Variants in GLT6D1 observed in about 807,000 individuals in gnomAD.
The protein encoded by GLT6D1 is putative glycosyltransferase 6 domain-containing protein 1.
GLT6D1 carries 9 observed loss-of-function variants against 12.3 expected under a neutral mutation model. The observed-to-expected ratio is 0.73, with a 90% CI of 0.44 to 1.27. The LOEUF is 1.27. Ranked by LOEUF, GLT6D1 falls within the 50% of genes most tolerant of loss-of-function variation. The pLI is 0.00. For synonymous variants in GLT6D1, 128 were observed against 132.3 expected (o/e 0.97, Z 0.23); for missense variants, 335 against 346.2 (o/e 0.97, Z 0.26).
At position 135,624,418 on chromosome 9, in the gene GLT6D1, G is replaced by A; in HGVS notation, c.510C>T (p.Phe170=). ...SHIQDEVDFL[F]SMAANQVFQN... is the part of the protein sequence containing the mutation. ...GGAAGACCTGGTTGGCAGCCATGCT[G>A]AAGAGGAAGTCCACCTCGTCCTGGA... is the stretch of plus-strand genomic sequence containing the variant. Residue 170 remains phenylalanine, a synonymous_variant, in exon 5 of 5, where the codon TTC becomes TTT. Coordinates refer to ENST00000371763, the MANE Select transcript of GLT6D1 (RefSeq NM_182974.3). The A allele has an allele frequency of 6.2e-7, 1 of 1,614,178 alleles. No individual in the cohort carries two copies. Among genetic ancestry groups the A allele is most frequent in the Non-Finnish European group, 8.5e-7 (1 of 1,180,044 alleles).
At chr9:135,640,269 C>T (rs1407725025), upstream of GLT6D1, among the ~76,000 whole-genome samples, 1 of 152,194 alleles carries the variant, frequency 6.6e-6, no homozygotes, top group African/African-American at 2.4e-5. Context: ...AATTTACCAT[C>T]TCACTCATAA....
chr9:135,630,017 G>GTT (rs1833603759), intron 3 of GLT6D1, among the ~76,000 whole-genome samples: 2 of 152,132 alleles, frequency 1.3e-5, no homozygotes, highest in African/African-American at 4.8e-5. Context: ...ATATAAATAT[G>GTT]TTTTTATACA....
upstream of GLT6D1, among the ~76,000 whole-genome samples, chr9:135,640,947 C>T (rs925235820): frequency 6.6e-6 from 1 of 152,160 alleles, no homozygotes; most frequent in Admixed American, 6.5e-5. Context: ...AGTGTGCCCT[C>T]CTCCATGACA....
In GLT6D1 at chr9:135,623,790, A is replaced by G. The variant is rs1327173177; in HGVS notation, c.*307T>C. On this transcript the variant is annotated 3_prime_UTR_variant, in exon 5 of 5. Coordinates refer to ENST00000371763, the MANE Select transcript of GLT6D1 (RefSeq NM_182974.3). ...TCACATTGTCTACAATACATAGATA[A>G]TAACATTACTGTGTATTAACATTAA... 8.8e-6 allele frequency: 2 copies of G among 228,286 alleles called. No individual in the cohort carries two copies. The highest frequency in any genetic ancestry group is 8.2e-6 in the Non-Finnish European group (1 of 121,260). The allele number at this position is 228,286 out of a possible 1,614,324, so 14.1% of individuals were successfully genotyped here.
At chr9:135,628,811 C>A (rs1833574208) in intron 3 of GLT6D1, among the ~76,000 whole-genome samples, 1 of 151,716 alleles carries the variant, frequency 6.6e-6, no homozygotes, top group African/African-American at 2.4e-5. Flanking sequence ...CTAGGAATTT[C>A]TTCATTTCAT....
intron 2 of GLT6D1, among the ~76,000 whole-genome samples, chr9:135,633,416 AT>A (rs1474851095): frequency 1.3e-5 from 2 of 151,786 alleles, no homozygotes; most frequent in African/African-American, 2.4e-5. Flanking sequence ...CGCCTGGCTA[AT>A]GTTTTTTTAA....
chr9:135,636,384 C>G (rs558285054), intron 2 of GLT6D1, among the ~76,000 whole-genome samples: 19 of 152,138 alleles, frequency 1.2e-4, no homozygotes, highest in African/African-American at 4.6e-4. Flanking sequence ...AAACTCCACT[C>G]ATTCCTAAGT....
At position 135,624,650 on chromosome 9, in the gene GLT6D1, C is replaced by G. The variant is rs981866121; in HGVS notation, c.278G>C (p.Arg93Thr). The G allele has an allele frequency of 8.9e-6, 14 of 1,580,778 alleles. No individual in the cohort carries two copies. Among genetic ancestry groups the G allele is most frequent in the African/African-American group, 4.1e-5 (3 of 73,746 alleles). The change falls in exon 5 of 5, where the codon AGG (arginine) becomes ACG (threonine). Residue 93 changes from arginine (R) to threonine (T), a missense_variant. Transcript: ENST00000371763. ...ATGRFAEEYL[R>T]PFLHSANKHF... ...CTTATTTGCGGAGTGTAGGAACGGC[C>G]TCAGGTACTCCTCTGCAAACCTAGG...
At chr9:135,636,935 C>T (rs1308760257) in intron 2 of GLT6D1, among the ~76,000 whole-genome samples, 2 of 152,130 alleles carry the variant, frequency 1.3e-5, no homozygotes, top group Non-Finnish European at 2.9e-5. Flanking sequence ...TCACCGCAAC[C>T]TCTGCCTCCC....
rs114482315 is a variant in GLT6D1, at chr9:135,637,983, G to A, written c.71+1134C>T. ...AGCTAGAATTTGAGTTTTTCTAGAC[G>A]GGAAAATATTAGCAGGTGTATTAGT... On this transcript the variant is annotated intron_variant, in intron 2 of 4. Coordinates refer to ENST00000371763, the MANE Select transcript of GLT6D1 (RefSeq NM_182974.3). Among the ~76,000 whole-genome samples the A allele has an allele frequency of 2.8e-3, 425 of 152,258 alleles. 5 individuals carry two copies. Among genetic ancestry groups the A allele is most frequent in the South Asian group, 0.017 (83 of 4,822 alleles).
At chr9:135,636,678 C>T (rs1358062103) in intron 2 of GLT6D1, among the ~76,000 whole-genome samples, 2 of 152,138 alleles carry the variant, frequency 1.3e-5, no homozygotes, top group African/African-American at 2.4e-5. Context: ...TCCCCTCCCT[C>T]ACCTCCACCC....
chr9:135,634,391 G>A (rs1260462391), intron 2 of GLT6D1, among the ~76,000 whole-genome samples: 12 of 147,500 alleles, frequency 8.1e-5, no homozygotes, highest in African/African-American at 2.5e-5. Flanking sequence ...GCCTCCCAAA[G>A]TGCTGGAATT....
At chr9:135,633,081 C>T (rs553199172) in intron 2 of GLT6D1, among the ~76,000 whole-genome samples, 7 of 152,292 alleles carry the variant, frequency 4.6e-5, no homozygotes, top group South Asian at 2.1e-4. Flanking sequence ...CCTACACATA[C>T]GCAGACAGTG....
At chr9:135,636,362 A>T (rs1833772573) in intron 2 of GLT6D1, among the ~76,000 whole-genome samples, 1 of 151,992 alleles carries the variant, frequency 6.6e-6, no homozygotes, top group Non-Finnish European at 1.5e-5. Context: ...TCAAAACAAA[A>T]CAAAACAAAA....
At chr9:135,624,856 A>G (rs1815481) in intron 4 of GLT6D1, among the ~76,000 whole-genome samples, 186 bp from the exon 5 acceptor site, 7,578 of 147,722 alleles carry the variant, frequency 0.051, 319 homozygotes, top group East Asian at 0.19. Context: ...CAGCCTCCCA[A>G]GTAGCTGGGA....
At chr9:135,627,690 G>A (rs147163263) in intron 3 of GLT6D1, among the ~76,000 whole-genome samples, 2 of 152,302 alleles carry the variant, frequency 1.3e-5, no homozygotes, top group African/African-American at 2.4e-5. Context: ...TCTAGAGGTA[G>A]AATTGTTGGG....
rs1833507746 is a variant in GLT6D1, at chr9:135,626,083, G to A, written c.243C>T (p.Val81=). Residue 81 remains valine, a synonymous_variant, in exon 4 of 5, where the codon GTC becomes GTT. Coordinates refer to ENST00000371763, the MANE Select transcript of GLT6D1 (RefSeq NM_182974.3). The stretch of plus-strand genomic sequence containing the variant: ...GTGGCACCTACCTGCCAGTAGCAAA[G>A]ACGGCCAGGCCCACAGTGATATTCC... ...RRRNITVGLA[V]FATGRFAEEY... 10 of 1,614,128 alleles carry A rather than the reference G, an allele frequency of 6.2e-6. No homozygotes were observed. The highest frequency in any genetic ancestry group is 8.5e-6 in the Non-Finnish European group (10 of 1,179,986).
chr9:135,634,713 CT>C (rs201288860), intron 2 of GLT6D1, among the ~76,000 whole-genome samples: 5 of 150,300 alleles, frequency 3.3e-5, no homozygotes, highest in South Asian at 2.1e-4. Context: ...CCTAATGTCT[CT>C]TTTTTTTTCA....
intron 2 of GLT6D1, among the ~76,000 whole-genome samples, chr9:135,632,136 A>ACTTT (rs1833662921): frequency 1.8e-5 from 1 of 56,820 alleles, no homozygotes; most frequent in African/African-American, 7.5e-5. Context: ...CCCTGGGAGC[A>ACTTT]ATTTTTTTTT....
Sources: gnomAD v4.1 joint callset for allele counts (sites outside exome capture counted in the v4.1 genomes callset) on GRCh38, gnomAD v4.1.1 for gene constraint, MANE v1.5 for transcripts, NCBI Gene and HGNC (gene_info 2026-07-23, HGNC 2026-07-21) for gene names.